Variants in DNAH17 observed in about 807,000 individuals in gnomAD.
DNAH17 encodes the protein dynein axonemal heavy chain 17.
Under a neutral mutation model 485.6 loss-of-function variants are expected in DNAH17, and 376 were observed. The ratio of observed to expected loss-of-function variants is 0.77; its 90% confidence interval spans 0.71 to 0.84. The LOEUF is 0.84. Ranked by LOEUF, DNAH17 falls within the 40% of genes least tolerant of loss-of-function variation. DNAH17 has a pLI of 0.00. For missense variants in DNAH17, 6,370 were observed against 5,839.3 expected (o/e 1.09, Z -2.96); for synonymous variants, 3,031 against 2,405.9 (o/e 1.26, Z -7.60).
At position 78,539,616 on chromosome 17, in the gene DNAH17, G is replaced by A. The variant is rs182497936; in HGVS notation, c.2676+121C>T. 98 of 928,146 alleles carry A rather than the reference G, an allele frequency of 1.1e-4. No homozygotes were observed. The African/African-American group carries it at 1.5e-3, about 14-fold the overall frequency. 57.5% of individuals were successfully genotyped at this position (928,146 alleles called of 1,614,324 possible). A position where few individuals can be genotyped will look rare whatever the true frequency, so the allele number is the denominator to read the frequency against. ...AAACCAGGTCAAGTAGATTGCATAA[G>A]ATATATTTTAATAAGTCTATTTATA... is the stretch of plus-strand genomic sequence containing the variant. On this transcript the variant is annotated intron_variant, in intron 18 of 80. Coordinates refer to ENST00000389840, the MANE Select transcript of DNAH17 (RefSeq NM_173628.4).
chr17:78,527,222 A>G (rs1330439356), intron 22 of DNAH17, among the ~76,000 whole-genome samples: 1 of 152,000 alleles, frequency 6.6e-6, no homozygotes, highest in Non-Finnish European at 1.5e-5. Context: ...ATCTCTACAA[A>G]AAATACAAAT....
chr17:78,559,461 A>C (rs74993700), intron 13 of DNAH17, among the ~76,000 whole-genome samples: 16,097 of 151,966 alleles, frequency 0.11, 1,039 homozygotes, highest in South Asian at 0.18. Context: ...TTTCCAACCT[A>C]CTAGGAGTCT....
In DNAH17 at chr17:78,426,462, T is replaced by C. The variant is rs2086467349; in HGVS notation, c.12910A>G (p.Ile4304Val). ...AAWYADLLLR[I>V]RELEAWTTDF... Reference sequence around the variant, plus strand: ...TCAGAGAAAACGGCACTTACCCTGATGCGGAGCAGCAGGTCTGCGTACCAG... The same window carrying C: ...TCAGAGAAAACGGCACTTACCCTGACGCGGAGCAGCAGGTCTGCGTACCAG... The change falls in exon 79 of 81, where the codon ATC becomes GTC. Residue 4304 changes from isoleucine (I) to valine (V), a missense_variant. Ile to Val is a conservative substitution (Grantham distance 29, BLOSUM62 3). Coordinates refer to ENST00000389840, the MANE Select transcript of DNAH17 (RefSeq NM_173628.4). 2 of 1,600,652 alleles carry C rather than the reference T, an allele frequency of 1.2e-6. No homozygotes were observed. Among genetic ancestry groups the C allele is most frequent in the Non-Finnish European group, 1.7e-6 (2 of 1,173,990 alleles).
intron 25 of DNAH17, among the ~76,000 whole-genome samples, chr17:78,518,683 AG>A (rs1393850107): frequency 8.5e-5 from 13 of 152,348 alleles, no homozygotes; most frequent in African/African-American, 2.9e-4. Context: ...TCCGCCCAAC[AG>A]AAGCAGAATA....
intron 62 of DNAH17, among the ~76,000 whole-genome samples, chr17:78,456,159 C>T (rs555797506): frequency 1.3e-5 from 2 of 152,064 alleles, no homozygotes; most frequent in East Asian, 1.9e-4. Flanking sequence ...ATTAGCCAGG[C>T]GTGGTGGCCC....
intron 48 of DNAH17, among the ~76,000 whole-genome samples, chr17:78,483,104 C>T (rs548556798): frequency 1.3e-5 from 2 of 151,370 alleles, no homozygotes; most frequent in East Asian, 1.9e-4. Context: ...TCTGGGTACC[C>T]TCAAATCTCC....
rs946709604 is a variant in DNAH17 at position 78,530,199 on chromosome 17, G to A, written c.3284+144C>T. ...TGACACCTTTCTGCTCACGCTTGGT[G>A]GGGTAGTTGGCCTTGAAGCCCAGCC... On this transcript the variant is annotated intron_variant, in intron 21 of 80. Transcript: ENST00000389840. 59 of 915,602 alleles carry A rather than the reference G, an allele frequency of 6.4e-5. No individual in the cohort carries two copies. The African/African-American group carries it at 8.5e-4, about 13-fold the overall frequency. 56.7% of individuals were successfully genotyped at this position (915,602 alleles called of 1,614,324 possible).
chr17:78,518,565 C>A (rs1415595129), intron 25 of DNAH17, among the ~76,000 whole-genome samples: 1 of 152,136 alleles, frequency 6.6e-6, no homozygotes, highest in Admixed American at 6.6e-5. Flanking sequence ...GATTTCAGCA[C>A]CCCACTCTCA....
At chr17:78,538,716 G>C (rs999937381) in intron 18 of DNAH17, among the ~76,000 whole-genome samples, 6 of 152,154 alleles carry the variant, frequency 3.9e-5, no homozygotes, top group African/African-American at 1.2e-4. Context: ...GCTTTCACTG[G>C]GACAGTCTGT....
At chr17:78,437,970 C>T in intron 73 of DNAH17, 102 bp from the exon 74 acceptor site, 1 of 824,126 alleles carries the variant, frequency 1.2e-6, no homozygotes, top group Non-Finnish European at 1.9e-6. Flanking sequence ...CAGGGCTCTT[C>T]TGCCAGCACC....
intron 58 of DNAH17, 144 bp from the exon 59 acceptor site, chr17:78,460,401 T>C: frequency 1.4e-6 from 1 of 696,056 alleles, no homozygotes; most frequent in Non-Finnish European, 2.4e-6. Flanking sequence ...TGTGCATGAG[T>C]GTATGTGTGT....
At position 78,454,110 on chromosome 17, in the gene DNAH17, C is replaced by T. The variant is rs145372690; in HGVS notation, c.10406+360G>A. Among the ~76,000 whole-genome samples the T allele has an allele frequency of 8.1e-4, 123 of 152,320 alleles. 1 individual carries two copies. The highest frequency in any genetic ancestry group is 2.8e-3 in the African/African-American group (117 of 41,564). On this transcript the variant is annotated intron_variant, in intron 64 of 80. Coordinates refer to ENST00000389840, the MANE Select transcript of DNAH17 (RefSeq NM_173628.4). ...CGCTAGGAAGCAGGGCATCACTGTA[C>T]CTGTGTCGTTATAGCCATTGTTTCT...
chr17:78,521,859 C>T (rs547231179), intron 25 of DNAH17, among the ~76,000 whole-genome samples: 207 of 151,988 alleles, frequency 1.4e-3, no homozygotes, highest in Admixed American at 3.4e-3. Flanking sequence ...TGGTGGCGTG[C>T]GCCTGTAATC....
At chr17:78,463,881 AGTGCTGGTG>A (rs1407877695) in intron 56 of DNAH17, among the ~76,000 whole-genome samples, 1 of 152,188 alleles carries the variant, frequency 6.6e-6, no homozygotes, top group Non-Finnish European at 1.5e-5. Flanking sequence ...ATATATATAT[AGTGCTGGTG>A]GTGGGGCCAA....
rs373479658 is a variant in DNAH17 at position 78,484,910 on chromosome 17, G to C, written c.7607C>G (p.Ala2536Gly). Residue 2536 changes from alanine (A) to glycine (G), a missense_variant, in exon 48 of 81, where the codon GCC (alanine) becomes GGC (glycine). Ala to Gly is a moderately conservative substitution (Grantham distance 60). Coordinates refer to ENST00000389840, the MANE Select transcript of DNAH17 (RefSeq NM_173628.4). ...MPEVDKYGTVAPHTLIRQHMD... is the reference protein window; with the variant it reads ...MPEVDKYGTVGPHTLIRQHMD... Reference sequence around the variant, plus strand: ...GTGCTGCCGGATGAGGGTGTGCGGGGCCACCGTCCCATACTTGTCCACCTC... The same window carrying C: ...GTGCTGCCGGATGAGGGTGTGCGGGCCCACCGTCCCATACTTGTCCACCTC... 2 of 1,594,486 alleles carry C rather than the reference G, an allele frequency of 1.3e-6. No individual in the cohort carries two copies. The highest frequency in any genetic ancestry group is 2.3e-5 in the South Asian group (2 of 88,328).
intron 6 of DNAH17, 46 bp from the exon 7 acceptor site, chr17:78,570,418 C>G (rs775441087): frequency 1.1e-5 from 18 of 1,581,138 alleles, no homozygotes; most frequent in Non-Finnish European, 1.5e-5. Context: ...CTGGCCGCTG[C>G]ACCTTATCCC....
chr17:78,491,651 C>A, intron 42 of DNAH17, 81 bp from the exon 43 acceptor site: 1 of 1,526,488 alleles, frequency 6.6e-7, no homozygotes, highest in Admixed American at 2.0e-5. Flanking sequence ...CCTGGCCTCT[C>A]TCTCTGGGAG....
chr17:78,430,389 C>T (rs1436359151), intron 75 of DNAH17, among the ~76,000 whole-genome samples: 6 of 152,166 alleles, frequency 3.9e-5, no homozygotes, highest in African/African-American at 7.2e-5. Context: ...TTCCTGCTTC[C>T]GCACACCTGT....
chr17:78,486,642 A>G, intron 44 of DNAH17, 136 bp from the exon 45 acceptor site: 1 of 1,152,152 alleles, frequency 8.7e-7, no homozygotes, highest in Non-Finnish European at 1.2e-6. Context: ...CTGCATGGCA[A>G]TGGGTCCAAA....
Sources: gnomAD v4.1 joint callset for allele counts (sites outside exome capture counted in the v4.1 genomes callset) on GRCh38, gnomAD v4.1.1 for gene constraint, MANE v1.5 for transcripts, NCBI Gene and HGNC (gene_info 2026-07-23, HGNC 2026-07-21) for gene names.